The following MPIG6B variants were observed in gnomAD, a reference collection of about 807,000 sequenced individuals.
MPIG6B encodes the protein immunoglobulin receptor.
Under a neutral mutation model 24.2 loss-of-function variants are expected in MPIG6B, and 22 were observed. The ratio of observed to expected loss-of-function variants is 0.91; its 90% CI spans 0.65 to 1.30. The LOEUF (loss-of-function observed/expected upper bound fraction) is 1.30, where lower values mean the gene tolerates loss of function less well. MPIG6B is among the 50% of genes most tolerant of loss of function. The pLI is 0.00. For missense variants in MPIG6B, 301 were observed against 318.5 expected (o/e 0.94, Z 0.42); for synonymous variants, 136 against 142.0 (o/e 0.96, Z 0.30).
chr6:31,723,376 T>A lies in MPIG6B; in HGVS notation c.-8T>A, dbSNP rs770521355. The A allele has an allele frequency of 6.2e-6, 10 of 1,602,488 alleles. No individual in the cohort carries two copies. The highest frequency in any genetic ancestry group is 8.5e-6 in the Non-Finnish European group (10 of 1,173,910). ...TCGCTCGCAGCTTCTCCTCACCACA[T>A]CCTAACCATGGCTGTGTTTCTGCAG... On this transcript the variant is annotated 5_prime_UTR_variant, in exon 1 of 6. Coordinates refer to ENST00000649779, the MANE Select transcript of MPIG6B (RefSeq NM_138272.3). The surrounding 1 kb of genome is among the most constrained non-coding windows in gnomAD (Gnocchi z 4.3).
chr6:31,724,645 C>T lies in MPIG6B; in HGVS notation c.541+18C>T. 6 of 1,612,606 alleles carry T rather than the reference C, an allele frequency of 3.7e-6. No individual in the cohort carries two copies. The highest frequency in any genetic ancestry group is 5.1e-6 in the Non-Finnish European group (6 of 1,178,588). ...TAGATTTGGTGAGACTAATTCCACC[C>T]CATTTTCTTTCTCCTACATGCCCAC... is the stretch of plus-strand genomic sequence containing the variant. On this transcript the variant is annotated intron_variant, in intron 4 of 5. Coordinates refer to ENST00000649779, the MANE Select transcript of MPIG6B (RefSeq NM_138272.3).
chr6:31,724,875 C>T (rs1386217528), intron 5 of MPIG6B, 31 bp downstream of exon 5: 1 of 1,610,976 alleles, frequency 6.2e-7, no homozygotes, highest in Non-Finnish European at 8.5e-7. Flanking sequence ...AGGGGATAGC[C>T]AGAATCTCTG....
In MPIG6B at chr6:31,723,476, G is replaced by C; in HGVS notation, c.61+32G>C. ...GATCCCTGGGAGAGTTGTGATAGAC[G>C]CAGAGGGGCTGAAGCAAGATAAGGG... On this transcript the variant is annotated intron_variant, in intron 1 of 5. Transcript: ENST00000649779. The surrounding 1 kb of genome is among the most constrained non-coding windows in gnomAD (Gnocchi z 4.3). 6.3e-7 allele frequency: 1 copy of C among 1,597,048 alleles called. No individual in the cohort carries two copies. The highest frequency in any genetic ancestry group is 1.7e-5 in the Admixed American group (1 of 59,890).
Position 31,723,916 on chromosome 6 carries a change from G to A in MPIG6B, c.339G>A (p.Glu113=). ...CTTTTTTCTGCAAGGGCCGCCACGA[G>A]GACGAGAGCCGTACAGTGCTTCACG... is the stretch of plus-strand genomic sequence containing the variant. ...SGTFFCKGRH[E]DESRTVLHVL... The change falls in exon 2 of 6, where the codon GAG becomes GAA. Residue 113 remains glutamate (E), a synonymous_variant. Coordinates refer to ENST00000649779, the MANE Select transcript of MPIG6B (RefSeq NM_138272.3). This position sits in a 1 kb window ranked among gnomAD's most constrained non-coding sequence, Gnocchi z 4.3. The A allele has an allele frequency of 3.1e-6, 5 of 1,595,884 alleles. No individual in the cohort carries two copies. Among genetic ancestry groups the A allele is most frequent in the Non-Finnish European group, 4.3e-6 (5 of 1,170,868 alleles).
At position 31,724,802 on chromosome 6, in the gene MPIG6B, G is replaced by C. The variant is rs202028572; in HGVS notation, c.579G>C (p.Lys193Asn). Residue 193 changes from lysine to asparagine, a missense_variant, in exon 5 of 6, where the codon AAG (lysine) becomes AAC (asparagine). Coordinates refer to ENST00000649779, the MANE Select transcript of MPIG6B (RefSeq NM_138272.3). ...LVKTEPQRPV[K>N]EEEPKIPGDL... is the part of the protein sequence containing the mutation. ...AAACCGAGCCCCAGAGGCCAGTAAA[G>C]GAGGAAGAGCCCAAGATTCCAGGGG... is the stretch of plus-strand genomic sequence containing the variant. 1 of 1,614,116 alleles carries C rather than the reference G, an allele frequency of 6.2e-7. No individual in the cohort carries two copies. Among genetic ancestry groups the C allele is most frequent in the African/African-American group, 1.3e-5 (1 of 75,000 alleles).
chr6:31,724,042 G>T, intron 2 of MPIG6B, 56 bp downstream of exon 2: 1 of 1,568,298 alleles, frequency 6.4e-7, no homozygotes, highest in Non-Finnish European at 8.7e-7. Context: ...ACCCGGAGGA[G>T]GGAAGAGGGC....
upstream of MPIG6B, chr6:31,722,930 A>G: frequency 4.5e-6 from 1 of 220,904 alleles, no homozygotes; most frequent in Non-Finnish European, 9.2e-6. Flanking sequence ...TAAGCAGTTT[A>G]CATGTATTAC....
intron 3 of MPIG6B, 40 bp downstream of exon 3, chr6:31,724,272 C>T (rs1299898579): frequency 4.0e-6 from 6 of 1,499,250 alleles, no homozygotes; most frequent in Non-Finnish European, 5.5e-6. Flanking sequence ...TGGGGAGTGA[C>T]CAGAGGTGGA....
upstream of MPIG6B, chr6:31,721,482 C>G: frequency 1.6e-6 from 1 of 624,194 alleles, no homozygotes; most frequent in Non-Finnish European, 2.8e-6. Context: ...ATAGGGAAGC[C>G]TGGTCTTGGT....
At chr6:31,723,283 CAGCCCCTCCGTTCTCCCCA>C, upstream of MPIG6B, 1 of 929,130 alleles carries the variant, frequency 1.1e-6, no homozygotes, top group Non-Finnish European at 1.7e-6. The surrounding 1 kb of genome is among the most constrained non-coding windows in gnomAD (Gnocchi z 4.3). Context: ...CGGAGCCCCC[CAGCCCCTCCGTTCTCCCCA>C]CGCCTAACTT....
At chr6:31,724,080 G>T in intron 2 of MPIG6B, 62 bp from the exon 3 acceptor site, 1 of 1,579,536 alleles carries the variant, frequency 6.3e-7, no homozygotes, top group Non-Finnish European at 8.7e-7. Flanking sequence ...GAGCGGGACT[G>T]CTGGCTGTCC....
chr6:31,720,418 G>A (rs1212230932), upstream of MPIG6B, among the ~76,000 whole-genome samples: 1 of 152,188 alleles, frequency 6.6e-6, no homozygotes, highest in Non-Finnish European at 1.5e-5. This position sits in a 1 kb window ranked among gnomAD's most constrained non-coding sequence, Gnocchi z 4.9. Flanking sequence ...TTTGTGAAAG[G>A]CCCACGCCCT....
upstream of MPIG6B, among the ~76,000 whole-genome samples, chr6:31,720,439 C>T (rs547545658): frequency 6.6e-6 from 1 of 152,274 alleles, no homozygotes; most frequent in African/African-American, 2.4e-5. This position sits in a 1 kb window ranked among gnomAD's most constrained non-coding sequence, Gnocchi z 4.9. Context: ...ACATATCTTC[C>T]ATCACTCCAC....
At chr6:31,723,331 A>G (rs982779538), upstream of MPIG6B, 19 of 1,531,796 alleles carry the variant, frequency 1.2e-5, no homozygotes, top group African/African-American at 4.1e-5. The surrounding 1 kb of genome is among the most constrained non-coding windows in gnomAD (Gnocchi z 4.3). Flanking sequence ...TCCCCCCCCA[A>G]CCGGCCCCAC....
At chr6:31,721,514 T>C (rs1806782191), upstream of MPIG6B, 5 of 892,538 alleles carry the variant, frequency 5.6e-6, no homozygotes, top group East Asian at 1.3e-4. Context: ...GCTGAGCCAG[T>C]TGGGGCTGGG....
rs768618279 is a variant in MPIG6B, at chr6:31,724,193, T to G, written c.461T>G (p.Leu154Arg). ...LIPLLGAGLV[L>R]GLGALGLVWW... ...CCGCTGCTGGGCGCTGGGTTGGTGC[T>G]CGGACTGGGAGCTTTGGGCCTGGTC... Residue 154 changes from leucine (L) to arginine (R), a missense_variant, in exon 3 of 6, where the codon CTC (leucine) becomes CGC (arginine). Leu to Arg is a moderately radical substitution (Grantham distance 102). Coordinates refer to ENST00000649779, the MANE Select transcript of MPIG6B (RefSeq NM_138272.3). The G allele has an allele frequency of 6.2e-7, 1 of 1,613,222 alleles. No individual in the cohort carries two copies. The highest frequency in any genetic ancestry group is 1.1e-5 in the South Asian group (1 of 90,996).
upstream of MPIG6B, chr6:31,722,939 A>C (rs190475799): frequency 6.6e-4 from 156 of 234,656 alleles, 1 homozygote; most frequent in African/African-American, 2.8e-3. Flanking sequence ...TACATGTATT[A>C]CTTTATTTCG....
At position 31,724,862 on chromosome 6, in the gene MPIG6B, G is replaced by A. The variant is rs1395871586; in HGVS notation, c.621+18G>A. Reference sequence around the variant, plus strand: ...AGGAACCGGTAAGGGCATGGGGATGGGAAGGGGATAGCCAGAATCTCTGAG... The same window carrying A: ...AGGAACCGGTAAGGGCATGGGGATGAGAAGGGGATAGCCAGAATCTCTGAG... On this transcript the variant is annotated intron_variant, in intron 5 of 5. Transcript: ENST00000649779. The A allele has an allele frequency of 6.2e-7, 1 of 1,613,800 alleles. No homozygotes were observed. The highest frequency in any genetic ancestry group is 8.5e-7 in the Non-Finnish European group (1 of 1,179,868).
Position 31,725,102 on chromosome 6 carries a change from A to G in MPIG6B, c.*28A>G. The G allele has an allele frequency of 6.5e-7, 1 of 1,535,562 alleles. No homozygotes were observed. Among genetic ancestry groups the G allele is most frequent in the Non-Finnish European group, 9.0e-7 (1 of 1,110,412 alleles). ...GGAAGCCCTTACTCCAAACCTCCCA[A>G]GCTAGGGGATCCCAGCTCCCCATAA... On this transcript the variant is annotated 3_prime_UTR_variant, in exon 6 of 6. Transcript: ENST00000649779. This position sits in a 1 kb window ranked among gnomAD's most constrained non-coding sequence, Gnocchi z 5.2.
Sources: allele counts gnomAD v4.1 joint callset (sites outside exome capture counted in the v4.1 genomes callset), GRCh38; gene constraint gnomAD v4.1.1; non-coding constraint Gnocchi (gnomAD v3.1); transcripts MANE v1.5; gene names NCBI Gene and HGNC (gene_info 2026-07-23, HGNC 2026-07-21).